Variants in INSL6 observed in about 807,000 individuals in gnomAD.
The protein encoded by INSL6 is insulin like 6.
Under a neutral mutation model 9.4 loss-of-function variants are expected in INSL6, and 16 were observed. The observed-to-expected ratio is 1.70, with a 90% CI of 1.15 to 2.59. INSL6 has a LOEUF of 2.59. Ranked by LOEUF, INSL6 falls within the 30% of genes most tolerant of loss-of-function variation. INSL6 has a pLI of 0.00. For synonymous variants in INSL6, 154 were observed against 96.9 expected, an observed-to-expected ratio of 1.59 and a Z score of -3.46; for missense variants, 391 against 257.3, an observed-to-expected ratio of 1.52 and a Z score of -3.56.
the INSL6 span, among the ~76,000 whole-genome samples, chr9:5,023,924 G>A: frequency 2.0e-5 from 3 of 151,670 alleles, no homozygotes; most frequent in African/African-American, 7.2e-5. Flanking sequence ...TTTTTAGCTT[G>A]TAAGATATTT....
At chr9:5,015,712 C>T in the INSL6 span, among the ~76,000 whole-genome samples, 1 of 151,986 alleles carries the variant, frequency 6.6e-6, no homozygotes, top group African/African-American at 2.4e-5. Context: ...GTCACTTATT[C>T]TTTTGATTCT....
the INSL6 span, among the ~76,000 whole-genome samples, chr9:5,082,050 C>G: frequency 1.3e-5 from 2 of 152,280 alleles, no homozygotes; most frequent in East Asian, 3.9e-4. Context: ...GGGGGCCAGC[C>G]CCTCCACACC....
At chr9:5,101,587 G>A in the INSL6 span, among the ~76,000 whole-genome samples, 3 of 152,260 alleles carry the variant, frequency 2.0e-5, no homozygotes, top group Non-Finnish European at 4.4e-5. Flanking sequence ...GTGGATCCCT[G>A]ATGCTTCTGT....
chr9:5,152,688 G>A (rs1260379856), intron 2 of INSL6, among the ~76,000 whole-genome samples: 1 of 152,088 alleles, frequency 6.6e-6, no homozygotes, highest in African/African-American at 2.4e-5. Context: ...AACAACAAAC[G>A]AGAAAAAGGA....
At chr9:5,142,655 T>C (rs1824525142) in intron 2 of INSL6, among the ~76,000 whole-genome samples, 1 of 152,144 alleles carries the variant, frequency 6.6e-6, no homozygotes, top group African/African-American at 2.4e-5. Flanking sequence ...CAAACAAAGA[T>C]AATCTGACTT....
the INSL6 span, among the ~76,000 whole-genome samples, chr9:5,043,248 A>G: frequency 3.9e-5 from 6 of 152,270 alleles, no homozygotes; most frequent in East Asian, 1.2e-3. Context: ...TGCTTTACCA[A>G]GTGTACGGAA....
chr9:5,073,799 C>T, the INSL6 span: 195 of 1,530,474 alleles, frequency 1.3e-4, 1 homozygote, highest in East Asian at 3.6e-3. Flanking sequence ...AGTAAAACTA[C>T]AGGCTTTCTA....
At chr9:5,027,375 C>A in the INSL6 span, among the ~76,000 whole-genome samples, 1 of 152,232 alleles carries the variant, frequency 6.6e-6, no homozygotes, top group Non-Finnish European at 1.5e-5. Context: ...AAAGTACATA[C>A]CTTAATTTAA....
At chr9:5,013,569 T>A in the INSL6 span, among the ~76,000 whole-genome samples, 1 of 152,236 alleles carries the variant, frequency 6.6e-6, no homozygotes, top group Admixed American at 6.5e-5. Context: ...TCTACTTTGT[T>A]CCAGGAACAT....
chr9:5,035,318 G>C, the INSL6 span, among the ~76,000 whole-genome samples: 1 of 152,154 alleles, frequency 6.6e-6, no homozygotes, highest in Non-Finnish European at 1.5e-5. Flanking sequence ...AGAGGAGCTG[G>C]TACCATTCCT....
intron 1 of INSL6, among the ~76,000 whole-genome samples, chr9:5,180,458 G>C (rs879800351): frequency 2.6e-5 from 4 of 152,146 alleles, no homozygotes; most frequent in African/African-American, 9.7e-5. Flanking sequence ...AAGTAGGGAA[G>C]ATATCACTAA....
rs981410441 is a variant in INSL6, at chr9:5,185,473, G to A, written c.130C>T (p.Leu44Phe). The A allele has an allele frequency of 5.6e-6, 9 of 1,614,188 alleles. No homozygotes were observed. Among genetic ancestry groups the A allele is most frequent in the Non-Finnish European group, 7.6e-6 (9 of 1,180,038 alleles). Residue 44 changes from leucine to phenylalanine, a missense_variant, in exon 1 of 2, where the codon CTC (leucine) becomes TTC (phenylalanine). Coordinates refer to ENST00000381641, the MANE Select transcript of INSL6 (RefSeq NM_007179.3). ...TGGCTCCAGTTGGCATGGCCGCAGAGTTTTTCTATTTCTTTCACCAAGTAC... is the reference window on the plus strand; with the variant it reads ...TGGCTCCAGTTGGCATGGCCGCAGAATTTTTCTATTTCTTTCACCAAGTAC... ...GRYLVKEIEK[L>F]CGHANWSQFR...
chr9:5,149,302 A>G (rs1824665975), intron 2 of INSL6, among the ~76,000 whole-genome samples: 1 of 152,244 alleles, frequency 6.6e-6, no homozygotes, highest in South Asian at 2.1e-4. Context: ...TCTTTTTTCT[A>G]TTCACCTTCA....
the INSL6 span, chr9:5,085,514 C>A: frequency 2.8e-6 from 2 of 717,134 alleles, no homozygotes; most frequent in South Asian, 2.9e-5. Context: ...TGAAGAAATT[C>A]ACCACACACC....
the INSL6 span, among the ~76,000 whole-genome samples, chr9:4,994,197 A>G: frequency 6.6e-6 from 1 of 152,226 alleles, no homozygotes; most frequent in African/African-American, 2.4e-5. Flanking sequence ...GTGGCCATAA[A>G]TATGCCATAG....
chr9:5,011,133 C>G, the INSL6 span, among the ~76,000 whole-genome samples: 1 of 152,080 alleles, frequency 6.6e-6, no homozygotes, highest in Non-Finnish European at 1.5e-5. Context: ...CTTTTTGGAT[C>G]GGTGGTTTGA....
the INSL6 span, among the ~76,000 whole-genome samples, chr9:5,009,624 C>T: frequency 6.6e-6 from 1 of 152,084 alleles, no homozygotes; most frequent in Non-Finnish European, 1.5e-5. Flanking sequence ...TTTGGTCTTA[C>T]TCTTTTATTC....
At chr9:5,142,216 G>A (rs12344116) in intron 2 of INSL6, among the ~76,000 whole-genome samples, 55,070 of 151,952 alleles carry the variant, frequency 0.36, 10,908 homozygotes, top group African/African-American at 0.54. Context: ...TTGGTTCCAT[G>A]TGAATTGTAA....
the INSL6 span, among the ~76,000 whole-genome samples, chr9:4,996,392 G>A: frequency 6.6e-6 from 1 of 152,018 alleles, no homozygotes; most frequent in Non-Finnish European, 1.5e-5. Flanking sequence ...AGGTTGCAGT[G>A]AGCTGAGATC....
Sources: allele counts gnomAD v4.1 joint callset (sites outside exome capture counted in the v4.1 genomes callset), GRCh38; gene constraint gnomAD v4.1.1; transcripts MANE v1.5; gene names NCBI Gene and HGNC (gene_info 2026-07-23, HGNC 2026-07-21).